NECTIN3: variants seen among roughly 807,000 people sequenced by gnomAD.
The protein encoded by NECTIN3 is nectin cell adhesion molecule 3.
Under a neutral mutation model 49.4 loss-of-function variants are expected in NECTIN3, and 8 were observed. The ratio of observed to expected loss-of-function variants is 0.16; its 90% CI spans 0.10 to 0.29. NECTIN3 has a LOEUF of 0.29. Ranked by LOEUF, NECTIN3 falls within the 10% of genes least tolerant of loss-of-function variation. The pLI is 1.00. For missense variants in NECTIN3, 581 were observed against 654.6 expected (o/e 0.89, Z 1.23); for synonymous variants, 277 against 241.1 (o/e 1.15, Z -1.38).
At chr3:111,072,375 G>T in intron 1 of NECTIN3, 198 bp downstream of exon 1, 1 of 1,487,208 alleles carries the variant, frequency 6.7e-7, no homozygotes, top group Non-Finnish European at 8.9e-7. Flanking sequence ...ATGCTGAGCC[G>T]GCGGCCCGCT....
intron 6 of NECTIN3, among the ~76,000 whole-genome samples, chr3:111,145,238 A>G (rs374623974): frequency 2.0e-5 from 3 of 152,332 alleles, no homozygotes; most frequent in African/African-American, 4.8e-5. Context: ...TGCTAGAGGT[A>G]TAGAACAGCT....
intron 5 of NECTIN3, among the ~76,000 whole-genome samples, chr3:111,130,233 G>A (rs577089324): frequency 6.6e-6 from 1 of 151,688 alleles, no homozygotes; most frequent in Non-Finnish European, 1.5e-5. Context: ...TGGGATTACA[G>A]GCATGAGCCA....
chr3:111,134,287 C>T lies in NECTIN3; in HGVS notation c.*72C>T, dbSNP rs2034500909. 6.7e-7 allele frequency: 1 copy of T among 1,487,148 alleles called. No homozygotes were observed. The highest frequency in any genetic ancestry group is 1.5e-5 in the South Asian group (1 of 67,474). 92.1% of individuals were successfully genotyped at this position (1,487,148 alleles called of 1,614,324 possible). On this transcript the variant is annotated 3_prime_UTR_variant, in exon 6 of 6. Coordinates refer to ENST00000485303, the MANE Select transcript of NECTIN3 (RefSeq NM_015480.3). The stretch of plus-strand genomic sequence containing the variant: ...GTTGATCATTTTCAGATTGTTCATA[C>T]TTTTTCTTGAGGAAGAATAAGCTTT...
At chr3:111,077,963 T>C (rs1356750083) in intron 1 of NECTIN3, among the ~76,000 whole-genome samples, 1 of 152,224 alleles carries the variant, frequency 6.6e-6, no homozygotes, top group African/African-American at 2.4e-5. Context: ...ATTAATCTTA[T>C]TTTATTTAAC....
At chr3:111,165,337 C>T (rs930135154) in intron 7 of NECTIN3, among the ~76,000 whole-genome samples, 1 of 152,148 alleles carries the variant, frequency 6.6e-6, no homozygotes, top group African/African-American at 2.4e-5. Flanking sequence ...GCCACCGTGC[C>T]CGGCCAGATT....
In NECTIN3 at chr3:111,126,297, T is replaced by G; in HGVS notation, c.1031T>G (p.Leu344Arg). ...TATATCTGTAAAGTGACCAATTCCCTTGGTCAAAGAAGTGACCAAAAAGTC... is the reference window on the plus strand; with the variant it reads ...TATATCTGTAAAGTGACCAATTCCCGTGGTCAAAGAAGTGACCAAAAAGTC... ...GVYICKVTNSLGQRSDQKVIY... is the reference protein window; with the variant it reads ...GVYICKVTNSRGQRSDQKVIY... Residue 344 changes from leucine to arginine, a missense_variant, in exon 5 of 6, where the codon CTT becomes CGT. By Grantham distance (102) the Leu-to-Arg change is moderately radical. Around this residue, in one of 3 missense-constraint regions of NECTIN3, gnomAD observed 234 missense variants for 340.6 expected, o/e 0.69. Coordinates refer to ENST00000485303, the MANE Select transcript of NECTIN3 (RefSeq NM_015480.3). 6.2e-7 allele frequency: 1 copy of G among 1,609,530 alleles called. No homozygotes were observed. The highest frequency in any genetic ancestry group is 8.5e-7 in the Non-Finnish European group (1 of 1,178,562).
At chr3:111,183,462 C>T (rs2035663451) in intron 7 of NECTIN3, among the ~76,000 whole-genome samples, 1 of 152,030 alleles carries the variant, frequency 6.6e-6, no homozygotes, top group African/African-American at 2.4e-5. Context: ...GAGGCGCCCG[C>T]CACCACACCT....
At chr3:111,157,955 A>G (rs753225050) in intron 7 of NECTIN3, among the ~76,000 whole-genome samples, 1 of 152,134 alleles carries the variant, frequency 6.6e-6, no homozygotes, top group East Asian at 1.9e-4. Context: ...CAGTAGAGTA[A>G]CCAACACTAT....
chr3:111,138,273 T>A (rs2107502017), downstream of NECTIN3, among the ~76,000 whole-genome samples: 1 of 151,750 alleles, frequency 6.6e-6, no homozygotes, highest in East Asian at 1.9e-4. Context: ...TGACCAGGGT[T>A]TTTCTTTGAT....
intron 7 of NECTIN3, among the ~76,000 whole-genome samples, chr3:111,187,076 G>A (rs190885858): frequency 6.6e-6 from 1 of 152,214 alleles, no homozygotes; most frequent in Non-Finnish European, 1.5e-5. Flanking sequence ...CATTACTGGT[G>A]GGAATACAAA....
intron 1 of NECTIN3, among the ~76,000 whole-genome samples, chr3:111,095,888 G>T (rs951799530): frequency 6.6e-6 from 1 of 152,156 alleles, no homozygotes; most frequent in Non-Finnish European, 1.5e-5. Flanking sequence ...TTTGTAAATT[G>T]CTCAGTCTCG....
At chr3:111,193,821 G>C (rs2035857647) in intron 1 of NECTIN3, among the ~76,000 whole-genome samples, 1 of 152,158 alleles carries the variant, frequency 6.6e-6, no homozygotes, top group African/African-American at 2.4e-5. Flanking sequence ...TAATTATTTA[G>C]CTGGGATTTG....
At position 111,072,299 on chromosome 3, in the gene NECTIN3, C is replaced by G. The variant is rs888232325; in HGVS notation, c.160+122C>G. 2.1e-5 allele frequency: 31 copies of G among 1,442,032 alleles called. No homozygotes were observed. The African/African-American group carries it at 2.8e-4, about 13-fold the overall frequency. 89.3% of individuals were successfully genotyped at this position (1,442,032 alleles called of 1,614,324 possible). A position where few individuals can be genotyped will look rare whatever the true frequency, so the allele number is the denominator to read the frequency against. On this transcript the variant is annotated intron_variant, in intron 1 of 5. Transcript: ENST00000485303. ...GGCGGTTGGTTGTGCGAGCGAGTGC[C>G]GAGGACTTTGGCTGGAAACTTTTCG...
chr3:111,186,445 A>G (rs1559823215), intron 7 of NECTIN3, among the ~76,000 whole-genome samples: 1 of 152,182 alleles, frequency 6.6e-6, no homozygotes, highest in Non-Finnish European at 1.5e-5. Context: ...GTCAACAAAA[A>G]ACAAGCAATG....
At chr3:111,143,626 CTT>C (rs1257244347) in intron 5 of NECTIN3, among the ~76,000 whole-genome samples, 4 of 151,900 alleles carry the variant, frequency 2.6e-5, no homozygotes, top group East Asian at 1.9e-4. Flanking sequence ...AGTTCTGTAA[CTT>C]TGCCGTGTCT....
rs916221878 is a variant in NECTIN3 at position 111,192,424 on chromosome 3, G to A, written c.63+11G>A. On this transcript the variant is annotated intron_variant, in intron 1 of 1. Transcript: ENST00000485506. The stretch of plus-strand genomic sequence containing the variant: ...AATCTTCAGCACTCTGTAAGTAACT[G>A]TGTTGTCGGTATCAGCCCAGGTGGA... 9 of 1,531,680 alleles carry A rather than the reference G, an allele frequency of 5.9e-6. No homozygotes were observed. In the Admixed American group the frequency reaches 1.2e-4, roughly 20 times the overall value. The allele number at this position is 1,531,680 out of a possible 1,614,324, so 94.9% of individuals were successfully genotyped here. A position where few individuals can be genotyped will look rare whatever the true frequency, so the allele number is the denominator to read the frequency against.
At chr3:111,192,837 A>G (rs1177495874) in intron 1 of NECTIN3, among the ~76,000 whole-genome samples, 1 of 152,072 alleles carries the variant, frequency 6.6e-6, no homozygotes, top group Non-Finnish European at 1.5e-5. Flanking sequence ...AATTCTCTGT[A>G]TGTCTCATAT....
intron 5 of NECTIN3, among the ~76,000 whole-genome samples, chr3:111,127,584 CGTG>C (rs1177711893): frequency 4.0e-5 from 6 of 149,542 alleles, no homozygotes; most frequent in Non-Finnish European, 7.4e-5. Context: ...TCTTTTGAGA[CGTG>C]GTCTCGCTGT....
chr3:111,119,788 C>T lies in NECTIN3; in HGVS notation c.799+836C>T, dbSNP rs142642496. Among the ~76,000 whole-genome samples the T allele has an allele frequency of 2.5e-3, 382 of 152,248 alleles. 4 individuals carry two copies. The highest frequency in any genetic ancestry group is 6.8e-3 in the Middle Eastern group (2 of 294). Reference sequence around the variant, plus strand: ...TAGCAAAGATAATGAAAATTAGGAACATTAGAAAAGTAGGTTCTGCTTTTA... The same window carrying T: ...TAGCAAAGATAATGAAAATTAGGAATATTAGAAAAGTAGGTTCTGCTTTTA... On this transcript the variant is annotated intron_variant, in intron 3 of 5. Transcript: ENST00000485303.
Sources: allele counts gnomAD v4.1 joint callset (sites outside exome capture counted in the v4.1 genomes callset), GRCh38; gene constraint gnomAD v4.1.1; regional missense constraint gnomAD v4.1.1; transcripts MANE v1.5; gene names NCBI Gene and HGNC (gene_info 2026-07-23, HGNC 2026-07-21).